Variants in KPNA6 observed in about 807,000 individuals in gnomAD.
KPNA6 encodes importin subunit alpha-7.
In KPNA6, 9 loss-of-function variants were observed where a neutral mutation model predicts 72.0. That is an observed-to-expected ratio of 0.13 (90% CI 0.08 to 0.22). KPNA6 has a LOEUF of 0.22. KPNA6 is among the 10% of genes least tolerant of loss of function. KPNA6 has a pLI of 1.00. For missense variants in KPNA6, 374 were observed against 655.7 expected (o/e 0.57, Z 4.69); for synonymous variants, 219 against 242.1 (o/e 0.90, Z 0.89).
At chr1:32,140,578 T>A (rs749903722) in intron 1 of KPNA6, among the ~76,000 whole-genome samples, 3 of 152,212 alleles carry the variant, frequency 2.0e-5, no homozygotes, top group African/African-American at 4.8e-5. Context: ...ATAGATATTG[T>A]ACTATATCAA....
At chr1:32,109,170 G>C (rs922800951) in intron 1 of KPNA6, among the ~76,000 whole-genome samples, 1 of 152,126 alleles carries the variant, frequency 6.6e-6, no homozygotes, top group Admixed American at 6.6e-5. Flanking sequence ...GTTTGTAACT[G>C]CTGTTTGTTG....
intron 7 of KPNA6, 132 bp downstream of exon 7, chr1:32,160,835 A>C: frequency 1.5e-6 from 1 of 663,386 alleles, no homozygotes; most frequent in Non-Finnish European, 2.8e-6. Flanking sequence ...TCTGATTGCC[A>C]AAGTAAAAGA....
At chr1:32,139,419 A>G (rs1179742929) in intron 1 of KPNA6, among the ~76,000 whole-genome samples, 2 of 152,230 alleles carry the variant, frequency 1.3e-5, no homozygotes, top group African/African-American at 2.4e-5. Flanking sequence ...AGCACACAGC[A>G]TCACCTATAT....
chr1:32,108,420 G>C (rs1207934133), intron 1 of KPNA6, among the ~76,000 whole-genome samples: 1 of 152,250 alleles, frequency 6.6e-6, no homozygotes, highest in East Asian at 1.9e-4. Context: ...AGGTAGAAAG[G>C]GGCCTACTCT....
chr1:32,167,630 T>G (rs1449523274), intron 12 of KPNA6, among the ~76,000 whole-genome samples: 1 of 152,050 alleles, frequency 6.6e-6, no homozygotes, highest in Non-Finnish European at 1.5e-5. Context: ...TCAATTCAAA[T>G]GAAGGGGAAC....
chr1:32,162,930 C>A (rs923345525), intron 9 of KPNA6, among the ~76,000 whole-genome samples: 2 of 151,614 alleles, frequency 1.3e-5, no homozygotes, highest in African/African-American at 4.9e-5. Flanking sequence ...CGGTGAAACC[C>A]CGTCTCTACT....
At chr1:32,159,279 G>A in intron 5 of KPNA6, 121 bp from the exon 6 acceptor site, 4 of 983,212 alleles carry the variant, frequency 4.1e-6, no homozygotes, top group Non-Finnish European at 6.1e-6. Context: ...CTTGTGTTTT[G>A]TGAGGTTTTG....
chr1:32,128,455 A>AT (rs1270448970), intron 1 of KPNA6, among the ~76,000 whole-genome samples: 50 of 133,448 alleles, frequency 3.7e-4, no homozygotes, highest in African/African-American at 1.2e-3. Flanking sequence ...ATATATACAC[A>AT]TTTTTTTTTT....
At chr1:32,140,218 A>C (rs558523423) in intron 1 of KPNA6, among the ~76,000 whole-genome samples, 4 of 152,096 alleles carry the variant, frequency 2.6e-5, no homozygotes, top group Non-Finnish European at 5.9e-5. Flanking sequence ...CCCCATCTCT[A>C]CTAAAAAATA....
Position 32,161,934 on chromosome 1 carries a change from C to G in KPNA6, c.648-13C>G. On this transcript the variant is annotated splice_polypyrimidine_tract_variant and intron_variant, in intron 7 of 13. Coordinates refer to ENST00000373625, the MANE Select transcript of KPNA6 (RefSeq NM_012316.5). ...CCTCAGTGCTCAGGATCTGGCTTTG[C>G]TGTTTCCTTCAGACTCCTTACCAAG... The G allele has an allele frequency of 6.2e-7, 1 of 1,607,662 alleles. No individual in the cohort carries two copies.
chr1:32,132,146 T>C (rs1641650184), intron 1 of KPNA6, among the ~76,000 whole-genome samples: 1 of 151,874 alleles, frequency 6.6e-6, no homozygotes, highest in Non-Finnish European at 1.5e-5. Context: ...AATATTTGTA[T>C]TTTTAGTAGA....
At chr1:32,163,018 G>A (rs1205912586) in intron 9 of KPNA6, among the ~76,000 whole-genome samples, 1 of 145,282 alleles carries the variant, frequency 6.9e-6, no homozygotes, top group Non-Finnish European at 1.5e-5. Flanking sequence ...GCAGGAGAAT[G>A]GCGTGAACCC....
chr1:32,112,777 G>T (rs1641263085), intron 1 of KPNA6, among the ~76,000 whole-genome samples: 1 of 152,126 alleles, frequency 6.6e-6, no homozygotes. Flanking sequence ...AGGCATGCAT[G>T]AGCCACCATG....
chr1:32,110,134 G>A (rs1402609018), intron 1 of KPNA6, among the ~76,000 whole-genome samples: 1 of 142,846 alleles, frequency 7.0e-6, no homozygotes, highest in Non-Finnish European at 1.5e-5. Context: ...GCCAGATCTC[G>A]GCTCACTGCA....
In KPNA6 at chr1:32,170,984, C is replaced by T. The variant is rs1642425699; in HGVS notation, c.*90C>T. 8 of 1,127,740 alleles carry T rather than the reference C, an allele frequency of 7.1e-6. No homozygotes were observed. In the African/African-American group the frequency reaches 7.7e-5, roughly 11 times the overall value. The allele number at this position is 1,127,740 out of a possible 1,614,324, so 69.9% of individuals were successfully genotyped here. ...GTGGGCGGGAAACCAGTGTCCCCAC[C>T]ATCAGCCACCACACACCTCTGCTGC... is the stretch of plus-strand genomic sequence containing the variant. On this transcript the variant is annotated 3_prime_UTR_variant, in exon 14 of 14. Transcript: ENST00000373625.
chr1:32,109,619 G>A lies in KPNA6; in HGVS notation c.4+1485G>A, dbSNP rs79237480. Among the ~76,000 whole-genome samples the A allele has an allele frequency of 7.1e-3, 1,063 of 150,544 alleles. 9 individuals carry two copies. Among genetic ancestry groups the A allele is most frequent in the Non-Finnish European group, 0.011 (759 of 67,608 alleles). ...TTTATTTTGTTTTGTTTTGCTTTTT[G>A]TTTTTGCATGTGGGCCCATTATGAA... On this transcript the variant is annotated intron_variant, in intron 1 of 13. Transcript: ENST00000373625.
intron 1 of KPNA6, among the ~76,000 whole-genome samples, chr1:32,150,741 C>T (rs1642016632): frequency 6.6e-6 from 1 of 152,056 alleles, no homozygotes; most frequent in Non-Finnish European, 1.5e-5. Context: ...ATTCTCCTGC[C>T]TCAGCCTCCC....
At chr1:32,155,524 T>C (rs1342900998) in intron 2 of KPNA6, among the ~76,000 whole-genome samples, 1 of 151,704 alleles carries the variant, frequency 6.6e-6, no homozygotes, top group African/African-American at 2.4e-5. Flanking sequence ...GGTTTCACCA[T>C]GTTGGCCAGA....
chr1:32,144,890 C>T (rs914902602), intron 1 of KPNA6, among the ~76,000 whole-genome samples: 11 of 152,018 alleles, frequency 7.2e-5, no homozygotes, highest in African/African-American at 1.9e-4. Context: ...AGATAATCTC[C>T]CCACCTCAGC....
Sources: allele counts gnomAD v4.1 joint callset (sites outside exome capture counted in the v4.1 genomes callset), GRCh38; gene constraint gnomAD v4.1.1; transcripts MANE v1.5; gene names NCBI Gene and HGNC (gene_info 2026-07-23, HGNC 2026-07-21).